DLG2: variants seen among roughly 807,000 people sequenced by gnomAD.
The protein encoded by DLG2 is discs large MAGUK scaffold protein 2, also known as disks large homolog 2.
In DLG2, 45 loss-of-function variants were observed where a neutral mutation model predicts 132.5. The ratio of observed to expected loss-of-function variants is 0.34; its 90% CI spans 0.27 to 0.44. The LOEUF (loss-of-function observed/expected upper bound fraction) is 0.44. Among genes scored for constraint, DLG2 ranks in the 20% least tolerant of loss-of-function variants. The pLI is 1.00. For missense variants in DLG2, 1,045 were observed against 1,196.9 expected (o/e 0.87, Z 1.87); for synonymous variants, 424 against 419.6 (o/e 1.01, Z -0.13).
chr11:84,556,709 A>G lies in DLG2; in HGVS notation c.358-21978T>C, dbSNP rs531175177. On this transcript the variant is annotated intron_variant, in intron 6 of 27. Transcript: ENST00000376104. ...ACACATGTAGTACTCCCACACTCTT[A>G]CCAAACAATTATTTTGTATTGTGAT... is the stretch of plus-strand genomic sequence containing the variant. 2.6e-5 allele frequency among the ~76,000 whole-genome samples: 4 copies of G among 152,286 alleles called. No individual in the cohort carries two copies. In the South Asian group the frequency reaches 8.3e-4, roughly 32 times the overall value.
chr11:85,361,191 T>C (rs952196688), intron 3 of DLG2, among the ~76,000 whole-genome samples: 5 of 152,196 alleles, frequency 3.3e-5, no homozygotes, highest in African/African-American at 1.2e-4. Flanking sequence ...AGTCTCACTC[T>C]GTCACCCAGG....
intron 17 of DLG2, among the ~76,000 whole-genome samples, chr11:83,805,005 G>C (rs2045539985): frequency 6.6e-6 from 1 of 151,990 alleles, no homozygotes; most frequent in Non-Finnish European, 1.5e-5. Flanking sequence ...GAATTTGTCT[G>C]ATTGTTTCTT....
At chr11:84,266,220 G>T (rs1466733205) in intron 7 of DLG2, among the ~76,000 whole-genome samples, 11 of 152,166 alleles carry the variant, frequency 7.2e-5, no homozygotes. Context: ...CACAAGACCG[G>T]TAGTCAAAGA....
intron 21 of DLG2, chr11:83,486,153 CTAGT>C: frequency 1.7e-6 from 1 of 603,582 alleles, no homozygotes; most frequent in Non-Finnish European, 2.9e-6. Flanking sequence ...CCAAATTTTC[CTAGT>C]TAAAAATGAT....
intron 6 of DLG2, among the ~76,000 whole-genome samples, chr11:84,828,680 A>T (rs929116922): frequency 1.6e-4 from 24 of 151,772 alleles, no homozygotes; most frequent in African/African-American, 5.8e-4. Context: ...TGGAGGTGCC[A>T]AAGCTAAGGC....
intron 26 of DLG2, among the ~76,000 whole-genome samples, chr11:83,466,318 T>C (rs772973138): frequency 6.6e-6 from 1 of 152,152 alleles, no homozygotes; most frequent in Non-Finnish European, 1.5e-5. Flanking sequence ...AATTAAAAAA[T>C]GATTGCTTCC....
At chr11:85,492,737 A>G (rs2093590164) in intron 3 of DLG2, among the ~76,000 whole-genome samples, 1 of 145,836 alleles carries the variant, frequency 6.9e-6, no homozygotes, top group Non-Finnish European at 1.5e-5. Flanking sequence ...TACATGGCAC[A>G]CTAAAATTCA....
At chr11:84,188,581 T>C (rs1309090807) in intron 8 of DLG2, among the ~76,000 whole-genome samples, 1 of 152,124 alleles carries the variant, frequency 6.6e-6, no homozygotes, top group Non-Finnish European at 1.5e-5. Flanking sequence ...TTTCCCAAGA[T>C]TGCAAGAAAA....
chr11:85,583,592 A>G (rs2078767121), intron 3 of DLG2, among the ~76,000 whole-genome samples: 1 of 152,150 alleles, frequency 6.6e-6, no homozygotes, highest in Non-Finnish European at 1.5e-5. Context: ...GCACTTTCTG[A>G]TGTAAAAGTG....
intron 18 of DLG2, among the ~76,000 whole-genome samples, chr11:83,688,925 G>A (rs2080336018): frequency 6.6e-6 from 1 of 152,220 alleles, no homozygotes; most frequent in Non-Finnish European, 1.5e-5. Context: ...CAGTAAAGAA[G>A]AGATTCCTTC....
intron 3 of DLG2, among the ~76,000 whole-genome samples, chr11:85,329,078 G>C (rs1435287286): frequency 3.7e-5 from 3 of 81,730 alleles, no homozygotes; most frequent in African/African-American, 1.5e-4. Flanking sequence ...GGGATGTGAA[G>C]GACCTCTTCA....
chr11:84,539,565 A>G (rs1675049988), intron 6 of DLG2, among the ~76,000 whole-genome samples: 1 of 152,050 alleles, frequency 6.6e-6, no homozygotes, highest in African/African-American at 2.4e-5. Flanking sequence ...GTTGAAGGGG[A>G]CTTGAGTAAA....
At chr11:84,342,119 C>T (rs139849223) in intron 7 of DLG2, among the ~76,000 whole-genome samples, 130 of 151,952 alleles carry the variant, frequency 8.6e-4, no homozygotes, top group African/African-American at 2.8e-3. Flanking sequence ...AGGCCTGGTG[C>T]GTTTGTGATG....
intron 9 of DLG2, among the ~76,000 whole-genome samples, chr11:84,150,167 G>A (rs1393120648): frequency 3.3e-5 from 5 of 152,064 alleles, no homozygotes; most frequent in Non-Finnish European, 7.4e-5. Flanking sequence ...CCATTTCAAC[G>A]GTATTGATTC....
intron 6 of DLG2, among the ~76,000 whole-genome samples, chr11:84,879,097 C>T (rs1023567416): frequency 6.6e-6 from 1 of 152,048 alleles, no homozygotes; most frequent in Non-Finnish European, 1.5e-5. Flanking sequence ...ATTTGTGTTC[C>T]TTCAGGCTGT....
chr11:84,769,133 C>T (rs1371636596), intron 6 of DLG2, among the ~76,000 whole-genome samples: 1 of 152,042 alleles, frequency 6.6e-6, no homozygotes. Context: ...CAGCAATGAT[C>T]CCTAACCAAA....
chr11:85,001,749 A>T (rs193243080), intron 6 of DLG2, among the ~76,000 whole-genome samples: 3 of 152,338 alleles, frequency 2.0e-5, no homozygotes, highest in Admixed American at 2.0e-4. Context: ...ACCCTAATGT[A>T]AACTATTGAC....
At chr11:85,233,314 C>A (rs2075399514) in intron 4 of DLG2, among the ~76,000 whole-genome samples, 2 of 151,886 alleles carry the variant, frequency 1.3e-5, no homozygotes, top group Non-Finnish European at 2.9e-5. Context: ...ATTGATCACT[C>A]TCTCTTCAGA....
chr11:83,463,625 C>T (rs2090466275), intron 26 of DLG2, among the ~76,000 whole-genome samples: 1 of 151,914 alleles, frequency 6.6e-6, no homozygotes, highest in Admixed American at 6.6e-5. Flanking sequence ...CCTGTCTCCA[C>T]AAAAAAAATA....
Sources: allele counts gnomAD v4.1 joint callset (sites outside exome capture counted in the v4.1 genomes callset), GRCh38; gene constraint gnomAD v4.1.1; transcripts MANE v1.5; gene names NCBI Gene and HGNC (gene_info 2026-07-23, HGNC 2026-07-21).